The following ADAM18 variants were observed in gnomAD, a reference collection of about 807,000 sequenced individuals.
ADAM18 encodes disintegrin and metalloproteinase domain-containing protein 18.
Under a neutral mutation model 94.4 loss-of-function variants are expected in ADAM18, and 117 were observed. That is an observed-to-expected ratio of 1.24 (90% CI 1.07 to 1.45). The LOEUF (loss-of-function observed/expected upper bound fraction) is 1.45. Among genes scored for constraint, ADAM18 ranks in the 40% most tolerant of loss-of-function variants. The probability of loss-of-function intolerance (pLI) is 0.00; values close to 1 mark genes in which losing one functional copy is unlikely to be tolerated. For synonymous variants in ADAM18, 327 were observed against 291.6 expected (o/e 1.12, Z -1.24); for missense variants, 936 against 880.0 (o/e 1.06, Z -0.81).
At chr8:39,705,368 C>T (rs1822212918) in intron 17 of ADAM18, among the ~76,000 whole-genome samples, 1 of 151,982 alleles carries the variant, frequency 6.6e-6, no homozygotes, top group Non-Finnish European at 1.5e-5. Flanking sequence ...TAATGAGATC[C>T]TTTGTTGTCT....
At chr8:39,693,860 T>G (rs1442535534) in intron 17 of ADAM18, among the ~76,000 whole-genome samples, 2 of 151,324 alleles carry the variant, frequency 1.3e-5, no homozygotes, top group African/African-American at 4.8e-5. Context: ...TTACTGAGTC[T>G]AAGCAAATTT....
In ADAM18 at chr8:39,723,725, T is replaced by C. The variant is rs766683738; in HGVS notation, c.2018-23T>C. 23 of 1,425,718 alleles carry C rather than the reference T, an allele frequency of 1.6e-5. No individual in the cohort carries two copies. The East Asian group carries it at 2.8e-4, about 18-fold the overall frequency. The allele number at this position is 1,425,718 out of a possible 1,614,324, so 88.3% of individuals were successfully genotyped here. A position where few individuals can be genotyped will look rare whatever the true frequency, so the allele number is the denominator to read the frequency against. On this transcript the variant is annotated intron_variant, in intron 18 of 19. Coordinates refer to ENST00000265707, the MANE Select transcript of ADAM18 (RefSeq NM_014237.3). ...TAAATATCCACTGAGTCCCCACTAA[T>C]TTATCATATGATTCATTTCTAGGTG...
chr8:39,661,029 C>T (rs1198244891), intron 12 of ADAM18, among the ~76,000 whole-genome samples: 4 of 151,892 alleles, frequency 2.6e-5, no homozygotes, highest in Non-Finnish European at 4.4e-5. Flanking sequence ...ATGGTAGATA[C>T]CTGCTTCCTT....
At chr8:39,661,928 T>C (rs997018861) in intron 12 of ADAM18, among the ~76,000 whole-genome samples, 1 of 148,004 alleles carries the variant, frequency 6.8e-6, no homozygotes, top group African/African-American at 2.5e-5. Flanking sequence ...TAGGCTTATT[T>C]TATATATATA....
chr8:39,669,676 G>T (rs1326719597), intron 14 of ADAM18, among the ~76,000 whole-genome samples: 1 of 151,850 alleles, frequency 6.6e-6, no homozygotes, highest in Non-Finnish European at 1.5e-5. Context: ...AGTATTCCAT[G>T]GTGTATATGT....
At position 39,668,086 on chromosome 8, in the gene ADAM18, T is replaced by C. The variant is rs1442560854; in HGVS notation, c.1415T>C (p.Val472Ala). 1 of 1,614,152 alleles carries C rather than the reference T, an allele frequency of 6.2e-7. No homozygotes were observed. The highest frequency in any genetic ancestry group is 1.7e-5 in the Admixed American group (1 of 60,006). ...TGCAATGGAACCTCTAGTAATTGTG[T>C]TCCTGACACTTATGCATTGAATGGC... ...EYCNGTSSNCVPDTYALNGRL... is the reference protein window; with the variant it reads ...EYCNGTSSNCAPDTYALNGRL... Residue 472 changes from valine to alanine, a missense_variant, in exon 14 of 20, where the codon GTT (valine) becomes GCT (alanine). Transcript: ENST00000265707.
In ADAM18 at chr8:39,699,302, A is replaced by G. The variant is rs193285197; in HGVS notation, c.1902+6622A>G. Among the ~76,000 whole-genome samples, 3 of 152,128 alleles carry G rather than the reference A, an allele frequency of 2.0e-5. No individual in the cohort carries two copies. The South Asian group carries it at 6.2e-4, about 31-fold the overall frequency. On this transcript the variant is annotated intron_variant, in intron 17 of 19. Coordinates refer to ENST00000265707, the MANE Select transcript of ADAM18 (RefSeq NM_014237.3). ...ATCATATTCATTCTACGTTCATGGA[A>G]GCTTCCAATATTTGCTTAACTTGCT...
At chr8:39,636,983 A>T (rs1376720) in intron 7 of ADAM18, among the ~76,000 whole-genome samples, 86,488 of 145,958 alleles carry the variant, frequency 0.59, 26,407 homozygotes, top group Non-Finnish European at 0.66. Context: ...GGACAACCAT[A>T]TTCAAGGCTT....
At chr8:39,654,549 G>T (rs887075609) in intron 12 of ADAM18, among the ~76,000 whole-genome samples, 3 of 152,070 alleles carry the variant, frequency 2.0e-5, no homozygotes, top group Non-Finnish European at 4.4e-5. Flanking sequence ...CCTCTCTTTT[G>T]GATGTATATC....
intron 17 of ADAM18, among the ~76,000 whole-genome samples, chr8:39,697,919 G>A (rs1199507873): frequency 6.6e-6 from 1 of 151,772 alleles, no homozygotes; most frequent in African/African-American, 2.4e-5. Flanking sequence ...ATTTGCTCAA[G>A]TGTAGTTTTC....
chr8:39,588,374 A>G (rs1392141017), intron 2 of ADAM18, among the ~76,000 whole-genome samples: 1 of 152,126 alleles, frequency 6.6e-6, no homozygotes, highest in African/African-American at 2.4e-5. Flanking sequence ...TTCTTTGGAC[A>G]GAAGTTTATT....
rs1198539116 is a variant in ADAM18, at chr8:39,590,263, T to C, written c.132+4911T>C. Among the ~76,000 whole-genome samples the C allele has an allele frequency of 2.0e-5, 3 of 152,108 alleles. No individual in the cohort carries two copies. The East Asian group carries it at 5.8e-4, about 29-fold the overall frequency. ...TGGAATACTATGCAGCCATAAAAAATGATGAGTTCATGTCCTTTGTGGGGA... is the reference window on the plus strand; with the variant it reads ...TGGAATACTATGCAGCCATAAAAAACGATGAGTTCATGTCCTTTGTGGGGA... On this transcript the variant is annotated intron_variant, in intron 2 of 19. Coordinates refer to ENST00000265707, the MANE Select transcript of ADAM18 (RefSeq NM_014237.3).
chr8:39,715,484 A>G (rs2129581590), intron 18 of ADAM18, among the ~76,000 whole-genome samples: 1 of 151,718 alleles, frequency 6.6e-6, no homozygotes, highest in African/African-American at 2.4e-5. Context: ...GAAAAAAAAA[A>G]GCAAATCAAT....
chr8:39,598,562 G>A (rs752210779), intron 2 of ADAM18, among the ~76,000 whole-genome samples: 1 of 152,130 alleles, frequency 6.6e-6, no homozygotes, highest in Non-Finnish European at 1.5e-5. Flanking sequence ...GAGGCTAGGA[G>A]TTCGAGACCT....
At position 39,610,580 on chromosome 8, in the gene ADAM18, T is replaced by A; in HGVS notation, c.396T>A (p.Ser132=). The A allele has an allele frequency of 6.2e-7, 1 of 1,612,024 alleles. No homozygotes were observed. Among genetic ancestry groups the A allele is most frequent in the Non-Finnish European group, 8.5e-7 (1 of 1,178,850 alleles). Residue 132 remains serine (S), a synonymous_variant, in exon 6 of 20, where the codon TCT becomes TCA. Transcript: ENST00000265707. The part of the protein sequence containing the change: ...NISYGIEPVE[S]SARFEHIIYQ... ...GTTATGGAATTGAACCAGTAGAATCTTCAGCAAGATTTGAGCATATAATTT... is the reference window on the plus strand; with the variant it reads ...GTTATGGAATTGAACCAGTAGAATCATCAGCAAGATTTGAGCATATAATTT...
At chr8:39,588,892 T>C (rs1818486879) in intron 2 of ADAM18, among the ~76,000 whole-genome samples, 1 of 152,198 alleles carries the variant, frequency 6.6e-6, no homozygotes, top group South Asian at 2.1e-4. Context: ...GTGCCTTTGT[T>C]CTGGTTTAGA....
At chr8:39,728,704 A>T (rs1343442321) in intron 19 of ADAM18, among the ~76,000 whole-genome samples, 1 of 152,202 alleles carries the variant, frequency 6.6e-6, no homozygotes, top group East Asian at 1.9e-4. Flanking sequence ...ATTGTTTGTA[A>T]GTCAAACAAA....
At chr8:39,682,010 TG>T (rs1821475799) in intron 16 of ADAM18, among the ~76,000 whole-genome samples, 1 of 152,098 alleles carries the variant, frequency 6.6e-6, no homozygotes, top group Non-Finnish European at 1.5e-5. Flanking sequence ...AACAAAGAAA[TG>T]GATTCCAAGA....
chr8:39,669,070 G>T (rs1821076319), intron 14 of ADAM18, among the ~76,000 whole-genome samples: 1 of 151,300 alleles, frequency 6.6e-6, no homozygotes, highest in South Asian at 2.1e-4. Context: ...TGTGTGTTTT[G>T]TTTTTTTAAT....
Sources: gnomAD v4.1 joint callset for allele counts (sites outside exome capture counted in the v4.1 genomes callset) on GRCh38, gnomAD v4.1.1 for gene constraint, MANE v1.5 for transcripts, NCBI Gene and HGNC (gene_info 2026-07-23, HGNC 2026-07-21) for gene names.